HS2ST1: variants seen among roughly 807,000 people sequenced by gnomAD.
The protein encoded by HS2ST1 is 2-O-sulfotransferase.
In HS2ST1, 18 loss-of-function variants were observed where a neutral mutation model predicts 42.9. That is an observed-to-expected ratio of 0.42 (90% CI 0.29 to 0.62). The LOEUF (loss-of-function observed/expected upper bound fraction) is 0.62, where lower values mean the gene tolerates loss of function less well. Ranked by LOEUF, HS2ST1 falls within the 20% of genes least tolerant of loss-of-function variation. The pLI is 0.21. For synonymous variants in HS2ST1, 146 were observed against 152.9 expected (o/e 0.95, Z 0.33); for missense variants, 334 against 433.8 (o/e 0.77, Z 2.04).
At chr1:87,090,296 G>A (rs1369418710) in intron 3 of HS2ST1, among the ~76,000 whole-genome samples, 1 of 151,970 alleles carries the variant, frequency 6.6e-6, no homozygotes. Context: ...GAGAGAAATG[G>A]TCCCTGCCCC....
At chr1:86,945,240 A>G (rs531161668) in intron 1 of HS2ST1, among the ~76,000 whole-genome samples, 3 of 152,320 alleles carry the variant, frequency 2.0e-5, no homozygotes, top group Admixed American at 6.5e-5. Flanking sequence ...AGTGCTCAAC[A>G]TAAGAGATGT....
chr1:87,078,221 A>G (rs1206539410), intron 2 of HS2ST1, among the ~76,000 whole-genome samples: 1 of 152,242 alleles, frequency 6.6e-6, no homozygotes, highest in Non-Finnish European at 1.5e-5. Context: ...TTTTGTTATC[A>G]CAGATAATCA....
At chr1:87,098,665 A>G (rs1010747696) in intron 5 of HS2ST1, among the ~76,000 whole-genome samples, 4 of 152,260 alleles carry the variant, frequency 2.6e-5, no homozygotes, top group Non-Finnish European at 5.9e-5. Flanking sequence ...GCCTCATAAT[A>G]GTATAAGAAT....
At chr1:87,037,674 T>C (rs1428180457) in intron 1 of HS2ST1, among the ~76,000 whole-genome samples, 1 of 151,806 alleles carries the variant, frequency 6.6e-6, no homozygotes. Flanking sequence ...ATTGGGTATG[T>C]ATGTTCCTAG....
Position 86,990,812 on chromosome 1 carries a change from T to TTATATATATATA in HS2ST1, c.124+75666_124+75677dup, listed in dbSNP as rs57401994. On this transcript the variant is annotated intron_variant, in intron 1 of 6. Coordinates refer to ENST00000370550, the MANE Select transcript of HS2ST1 (RefSeq NM_012262.4). ...CATATGCCACCATGCCTGGCTAATT[T>TTATATATATATA]TATATATATATATATATATATATAT... Among the ~76,000 whole-genome samples the TTATATATATATA allele has an allele frequency of 3.5e-3, 36 of 10,244 alleles. 2 individuals carry two copies. Among genetic ancestry groups the TTATATATATATA allele is most frequent in the Non-Finnish European group, 4.4e-3 (10 of 2,268 alleles). The allele number at this position is 10,244 out of a possible 152,430, so 6.7% of individuals were successfully genotyped here.
chr1:87,035,976 TTCC>T (rs1011787132), intron 1 of HS2ST1, among the ~76,000 whole-genome samples: 1 of 152,070 alleles, frequency 6.6e-6, no homozygotes, highest in African/African-American at 2.4e-5. Context: ...TTTTCTAGTC[TTCC>T]ACCCCCTGAC....
chr1:87,003,367 A>T (rs1477547919), intron 1 of HS2ST1, among the ~76,000 whole-genome samples: 1 of 152,200 alleles, frequency 6.6e-6, no homozygotes, highest in Non-Finnish European at 1.5e-5. Flanking sequence ...CAGTTAACTA[A>T]AGCTAAAAAA....
chr1:87,052,940 C>A (rs761101615), intron 1 of HS2ST1, among the ~76,000 whole-genome samples: 35 of 152,084 alleles, frequency 2.3e-4, no homozygotes, highest in Non-Finnish European at 4.9e-4. Flanking sequence ...AATTCTTAGT[C>A]CTTGGAATTA....
rs1037155899 is a variant in HS2ST1, at chr1:86,982,047, A to T, written c.124+66887A>T. Among the ~76,000 whole-genome samples, 3 of 152,280 alleles carry T rather than the reference A, an allele frequency of 2.0e-5. No homozygotes were observed. The East Asian group carries it at 5.8e-4, about 29-fold the overall frequency. On this transcript the variant is annotated intron_variant, in intron 1 of 6. Transcript: ENST00000370550. ...ATCAGTTCTTGTCTTCTGTGCACCCACAGGCCCAACACCACATGGAAGCTG... is the reference window on the plus strand; with the variant it reads ...ATCAGTTCTTGTCTTCTGTGCACCCTCAGGCCCAACACCACATGGAAGCTG...
At chr1:86,944,807 T>C (rs1394619880) in intron 1 of HS2ST1, among the ~76,000 whole-genome samples, 3 of 152,066 alleles carry the variant, frequency 2.0e-5, no homozygotes, top group Admixed American at 6.6e-5. Context: ...ATGAAAAATA[T>C]TATTTTTAAC....
intron 1 of HS2ST1, among the ~76,000 whole-genome samples, chr1:86,945,761 T>G (rs1647315137): frequency 1.3e-5 from 2 of 152,174 alleles, no homozygotes; most frequent in South Asian, 4.1e-4. Context: ...AGACTGCATT[T>G]ATTTTGGATA....
chr1:86,943,455 G>A (rs1008358762), intron 1 of HS2ST1, among the ~76,000 whole-genome samples: 9 of 152,096 alleles, frequency 5.9e-5, no homozygotes, highest in African/African-American at 1.4e-4. Flanking sequence ...AGTGCCCCAC[G>A]CCTTTAATCC....
In HS2ST1 at chr1:87,101,149, G is replaced by GTTTTTTTTTTTTTTTTTTTTTTTT. The variant is rs1177785858; in HGVS notation, c.687-2277_687-2276insTTTTTTTTTTTTTTTTTTTTTTTT. 6.7e-5 allele frequency among the ~76,000 whole-genome samples: 4 copies of GTTTTTTTTTTTTTTTTTTTTTTTT among 59,568 alleles called. 2 individuals are homozygous for GTTTTTTTTTTTTTTTTTTTTTTTT. Among genetic ancestry groups the GTTTTTTTTTTTTTTTTTTTTTTTT allele is most frequent in the Non-Finnish European group, 5.9e-5 (2 of 33,770 alleles). The allele number at this position is 59,568 out of a possible 152,430, so 39.1% of individuals were successfully genotyped here. A position where few individuals can be genotyped will look rare whatever the true frequency, so the allele number is the denominator to read the frequency against. On this transcript the variant is annotated intron_variant, in intron 5 of 6. Coordinates refer to ENST00000370550, the MANE Select transcript of HS2ST1 (RefSeq NM_012262.4). ...TCATCACTTTTGTGTGTGTGTGTGT[G>GTTTTTTTTTTTTTTTTTTTTTTTT]TTTTTTGTTTTTTTTTTTTTTTTTT...
chr1:86,923,305 G>A (rs1660338017), intron 1 of HS2ST1, among the ~76,000 whole-genome samples: 1 of 152,048 alleles, frequency 6.6e-6, no homozygotes, highest in Admixed American at 6.6e-5. Context: ...CACATGGCTG[G>A]GGAAGCCTCA....
intron 1 of HS2ST1, among the ~76,000 whole-genome samples, chr1:87,016,844 G>A (rs1356577633): frequency 7.1e-6 from 1 of 140,690 alleles, no homozygotes; most frequent in East Asian, 2.3e-4. Flanking sequence ...TTGACCGTCA[G>A]TTTCTTTAAT....
At chr1:87,089,896 G>C (rs1488648214) in intron 3 of HS2ST1, among the ~76,000 whole-genome samples, 4 of 151,954 alleles carry the variant, frequency 2.6e-5, no homozygotes. Context: ...CCACATGTCA[G>C]GGACTAGGGG....
chr1:87,082,118 CAA>C (rs1651708421), intron 2 of HS2ST1, among the ~76,000 whole-genome samples: 1 of 152,006 alleles, frequency 6.6e-6, no homozygotes, highest in Non-Finnish European at 1.5e-5. Flanking sequence ...CTACTATGAG[CAA>C]CTATATGCCA....
intron 1 of HS2ST1, among the ~76,000 whole-genome samples, chr1:87,065,829 A>ATT (rs887127762): frequency 6.6e-6 from 1 of 152,124 alleles, no homozygotes; most frequent in Admixed American, 6.5e-5. Context: ...AGATATGAAA[A>ATT]TTTGGTCTTT....
chr1:87,103,733 C>G, intron 6 of HS2ST1, 144 bp downstream of exon 6: 1 of 640,704 alleles, frequency 1.6e-6, no homozygotes, highest in Non-Finnish European at 2.6e-6. Context: ...TTTCTGCTCA[C>G]TATTTTCAAT....
Sources: allele counts gnomAD v4.1 joint callset (sites outside exome capture counted in the v4.1 genomes callset), GRCh38; gene constraint gnomAD v4.1.1; transcripts MANE v1.5; gene names NCBI Gene and HGNC (gene_info 2026-07-23, HGNC 2026-07-21).